Variants in GRHL1 observed in about 807,000 individuals in gnomAD.
GRHL1 encodes grainyhead like transcription factor 1, also known as grainyhead-like protein 1 homolog.
Under a neutral mutation model 75.7 loss-of-function variants are expected in GRHL1, and 38 were observed. That is an observed-to-expected ratio of 0.50 (90% CI 0.39 to 0.66). GRHL1 has a LOEUF of 0.66. GRHL1 is among the 30% of genes least tolerant of loss of function. GRHL1 has a pLI of 0.00. For missense variants in GRHL1, 589 were observed against 767.5 expected (o/e 0.77, Z 2.75); for synonymous variants, 266 against 279.4 (o/e 0.95, Z 0.48).
chr2:9,989,210 C>T (rs931542902), intron 9 of GRHL1, among the ~76,000 whole-genome samples: 1 of 152,100 alleles, frequency 6.6e-6, no homozygotes, highest in Non-Finnish European at 1.5e-5. Flanking sequence ...AAAATGTGGT[C>T]CTTATTATAT....
chr2:9,993,788 C>G (rs936625915), intron 12 of GRHL1, among the ~76,000 whole-genome samples: 4 of 152,190 alleles, frequency 2.6e-5, no homozygotes, highest in African/African-American at 9.7e-5. Context: ...CTTGATTAAG[C>G]TGGTATCTGC....
intron 9 of GRHL1, among the ~76,000 whole-genome samples, chr2:9,988,687 A>C (rs1324408665): frequency 6.6e-6 from 1 of 152,036 alleles, no homozygotes; most frequent in Non-Finnish European, 1.5e-5. Flanking sequence ...GGGAACTCTG[A>C]AGGCAGCAGC....
intron 8 of GRHL1, among the ~76,000 whole-genome samples, chr2:9,971,844 G>A (rs7601896): frequency 0.16 from 24,190 of 152,156 alleles, 2,353 homozygotes; most frequent in African/African-American, 0.27. Context: ...TTGCTTTGAC[G>A]AAGCTGCTGT....
intron 12 of GRHL1, among the ~76,000 whole-genome samples, chr2:9,994,085 A>G (rs1668755709): frequency 6.6e-6 from 1 of 152,132 alleles, no homozygotes; most frequent in African/African-American, 2.4e-5. Flanking sequence ...TCTTTGGGCT[A>G]TCAGAACCTT....
intron 5 of GRHL1, 149 bp from the exon 6 acceptor site, chr2:9,963,737 C>T (rs1265919830): frequency 1.8e-6 from 1 of 556,358 alleles, no homozygotes; most frequent in South Asian, 2.5e-5. Context: ...ACTTCCACCT[C>T]TGAGAGACTT....
intron 8 of GRHL1, among the ~76,000 whole-genome samples, chr2:9,972,069 A>G (rs1558300820): frequency 6.6e-6 from 1 of 152,180 alleles, no homozygotes; most frequent in Non-Finnish European, 1.5e-5. Context: ...TCTCTGGACC[A>G]GGGAGGGACT....
chr2:9,964,132 A>G, intron 6 of GRHL1, 90 bp downstream of exon 6: 1 of 1,379,066 alleles, frequency 7.3e-7, no homozygotes, highest in African/African-American at 1.4e-5. Context: ...ACCGCCTGAA[A>G]TTGCAGCTTT....
intron 4 of GRHL1, among the ~76,000 whole-genome samples, chr2:9,961,818 C>T (rs1393810855): frequency 2.6e-5 from 4 of 152,098 alleles, no homozygotes. Context: ...GTTATTATAT[C>T]TTTGCTTGGT....
Position 10,002,203 on chromosome 2 carries a change from C to T in GRHL1, c.*1496C>T, listed in dbSNP as rs1052838. The T allele has an allele frequency of 0.39, 58,686 of 152,380 alleles. 11,603 individuals carry two copies. Among genetic ancestry groups the T allele is most frequent in the Admixed American group, 0.47 (7,226 of 15,270 alleles). The allele number at this position is 152,380 out of a possible 1,614,324, so 9.4% of individuals were successfully genotyped here. On this transcript the variant is annotated 3_prime_UTR_variant, in exon 16 of 16. Coordinates refer to ENST00000324907, the MANE Select transcript of GRHL1 (RefSeq NM_198182.3). ...TTTTTATGAAGTTGATTTTGTCTTG[C>T]GTGTTATTTTTAATTGTATCATTGA... is the stretch of plus-strand genomic sequence containing the variant.
In GRHL1 at chr2:9,987,154, A is replaced by G. The variant is rs1668457089; in HGVS notation, c.1269+872A>G. On this transcript the variant is annotated intron_variant, in intron 9 of 15. Coordinates refer to ENST00000324907, the MANE Select transcript of GRHL1 (RefSeq NM_198182.3). This position sits in a 1 kb window ranked among gnomAD's most constrained non-coding sequence, Gnocchi z 4.2. ...CCCACCACACCTGGCTAATTTTTGTATAGAAACAGGGTTTCGCCAGGTTGG... is the reference window on the plus strand; with the variant it reads ...CCCACCACACCTGGCTAATTTTTGTGTAGAAACAGGGTTTCGCCAGGTTGG... 6.6e-6 allele frequency among the ~76,000 whole-genome samples: 1 copy of G among 151,584 alleles called. No homozygotes were observed. Among genetic ancestry groups the G allele is most frequent in the African/African-American group, 2.4e-5 (1 of 41,212 alleles).
In GRHL1 at chr2:9,961,342, C is replaced by T; in HGVS notation, c.575C>T (p.Thr192Ile). ...GTGGTTTTCGATCGGAATCTCAATA[C>T]TGACCAGTTCAGCTCTGGTGCTCAA... is the stretch of plus-strand genomic sequence containing the variant. ...RVVVFDRNLNTDQFSSGAQAP... is the reference protein window; with the variant it reads ...RVVVFDRNLNIDQFSSGAQAP... The change falls in exon 4 of 16, where the codon ACT (threonine) becomes ATT (isoleucine). Residue 192 changes from threonine (T) to isoleucine (I), a missense_variant. Physicochemically the swap from Thr to Ile is moderately conservative, Grantham distance 89 (BLOSUM62 -1). Coordinates refer to ENST00000324907, the MANE Select transcript of GRHL1 (RefSeq NM_198182.3). The T allele has an allele frequency of 1.9e-6, 3 of 1,614,130 alleles. No homozygotes were observed. The East Asian group carries it at 6.7e-5, about 36-fold the overall frequency.
intron 8 of GRHL1, among the ~76,000 whole-genome samples, chr2:9,985,040 C>A (rs1426439095): frequency 1.3e-5 from 2 of 151,134 alleles, no homozygotes; most frequent in Non-Finnish European, 1.5e-5. Context: ...CACACTCCAG[C>A]CTGGGTGACA....
At chr2:9,989,611 C>T (rs1354611200) in intron 9 of GRHL1, among the ~76,000 whole-genome samples, 5 of 152,042 alleles carry the variant, frequency 3.3e-5, no homozygotes, top group South Asian at 2.1e-4. Context: ...TACAGTGGTG[C>T]GATCCCAGCT....
At chr2:9,995,553 C>G (rs113577745) in intron 12 of GRHL1, among the ~76,000 whole-genome samples, 13,176 of 151,068 alleles carry the variant, frequency 0.087, 649 homozygotes, top group Middle Eastern at 0.11. Flanking sequence ...CCACTGCACT[C>G]CAGCCTGAGC....
Position 9,990,308 on chromosome 2 carries a change from G to A in GRHL1, c.1270-388G>A, listed in dbSNP as rs1324882618. ...TGGGACTACAGGTGCCCGCTACCACGCCTGGCTAATTTTTGTATTTTTAGT... is the reference window on the plus strand; with the variant it reads ...TGGGACTACAGGTGCCCGCTACCACACCTGGCTAATTTTTGTATTTTTAGT... On this transcript the variant is annotated intron_variant, in intron 9 of 15. Coordinates refer to ENST00000324907, the MANE Select transcript of GRHL1 (RefSeq NM_198182.3). This position sits in a 1 kb window ranked among gnomAD's most constrained non-coding sequence, Gnocchi z 4.2. Among the ~76,000 whole-genome samples the A allele has an allele frequency of 2.0e-5, 3 of 151,822 alleles. No individual in the cohort carries two copies. The highest frequency in any genetic ancestry group is 1.9e-4 in the East Asian group (1 of 5,160).
chr2:9,993,642 C>T (rs1046125688), intron 12 of GRHL1, among the ~76,000 whole-genome samples: 3 of 152,152 alleles, frequency 2.0e-5, no homozygotes, highest in African/African-American at 7.2e-5. Flanking sequence ...TCTTAGTTTG[C>T]GTGTGTCTGC....
At position 10,000,770 on chromosome 2, in the gene GRHL1, C is replaced by A; in HGVS notation, c.*63C>A. The A allele has an allele frequency of 1.1e-6, 1 of 883,942 alleles. No individual in the cohort carries two copies. The highest frequency in any genetic ancestry group is 1.9e-6 in the Non-Finnish European group (1 of 533,316). The allele number at this position is 883,942 out of a possible 1,614,324, so 54.8% of individuals were successfully genotyped here. On this transcript the variant is annotated 3_prime_UTR_variant, in exon 16 of 16. Transcript: ENST00000324907. ...GGTGTTTCTAGATCTTACGGTTTGG[C>A]AACTGCAGGTAACCCCAGTCAGCCA...
At chr2:9,970,972 A>G (rs1418314975) in intron 8 of GRHL1, among the ~76,000 whole-genome samples, 1 of 152,156 alleles carries the variant, frequency 6.6e-6, no homozygotes, top group African/African-American at 2.4e-5. Flanking sequence ...TCCTTGTCTC[A>G]GCAAAAGCTG....
chr2:9,999,050 G>A (rs1398533438), intron 15 of GRHL1, 21 bp downstream of exon 15: 8 of 1,436,278 alleles, frequency 5.6e-6, no homozygotes, highest in Non-Finnish European at 7.7e-6. Flanking sequence ...ACTGCGTCCT[G>A]TGTACCTCGG....
Sources: gnomAD v4.1 joint callset for allele counts (sites outside exome capture counted in the v4.1 genomes callset) on GRCh38, gnomAD v4.1.1 for gene constraint, Gnocchi (gnomAD v3.1) non-coding constraint, MANE v1.5 for transcripts, NCBI Gene and HGNC (gene_info 2026-07-23, HGNC 2026-07-21) for gene names.